The following TMEM163 variants were observed in gnomAD, a reference collection of about 807,000 sequenced individuals.
TMEM163 encodes transmembrane protein 163.
Under a neutral mutation model 29.3 loss-of-function variants are expected in TMEM163, and 17 were observed. The observed-to-expected ratio is 0.58, with a 90% confidence interval of 0.40 to 0.87. The LOEUF is 0.87. Among genes scored for constraint, TMEM163 ranks in the 40% least tolerant of loss-of-function variants. The pLI is 0.00. For missense variants in TMEM163, 303 were observed against 381.5 expected (o/e 0.79, Z 1.71); for synonymous variants, 157 against 160.6 (o/e 0.98, Z 0.17).
At chr2:134,715,165 AT>A (rs1316836256) in intron 1 of TMEM163, among the ~76,000 whole-genome samples, 1 of 152,172 alleles carries the variant, frequency 6.6e-6, no homozygotes, top group Non-Finnish European at 1.5e-5. Context: ...AGTAGATTTC[AT>A]TTTCTAAGAG....
intron 2 of TMEM163, among the ~76,000 whole-genome samples, chr2:134,554,557 G>A (rs768211039): frequency 7.9e-5 from 12 of 151,508 alleles, no homozygotes; most frequent in African/African-American, 2.2e-4. Flanking sequence ...CCCCCGACTC[G>A]CTATGGCAGA....
intron 5 of TMEM163, among the ~76,000 whole-genome samples, chr2:134,480,232 G>T (rs1687018145): frequency 1.3e-5 from 2 of 152,040 alleles, no homozygotes; most frequent in African/African-American, 4.8e-5. Flanking sequence ...CAGCTGCCCT[G>T]CCTCCTCTGT....
At chr2:134,583,653 C>T (rs972956647) in intron 2 of TMEM163, among the ~76,000 whole-genome samples, 2 of 152,184 alleles carry the variant, frequency 1.3e-5, no homozygotes, top group African/African-American at 2.4e-5. Flanking sequence ...TACTGTCAGC[C>T]ATGCTGTAAA....
intron 2 of TMEM163, among the ~76,000 whole-genome samples, chr2:134,573,058 G>A (rs1681469486): frequency 6.6e-6 from 1 of 152,148 alleles, no homozygotes. Context: ...TAGTTCCTGA[G>A]CAATCTGTGA....
At chr2:134,715,568 T>C (rs1421928255) in intron 1 of TMEM163, among the ~76,000 whole-genome samples, 1 of 145,334 alleles carries the variant, frequency 6.9e-6, no homozygotes, top group African/African-American at 2.6e-5. Context: ...TTTCTAAAAA[T>C]ATAGCCGATC....
chr2:134,606,789 G>T (rs1403704941), intron 2 of TMEM163, among the ~76,000 whole-genome samples: 1 of 152,210 alleles, frequency 6.6e-6, no homozygotes, highest in African/African-American at 2.4e-5. Flanking sequence ...AGAATTCAGG[G>T]AAGATGAGGA....
At position 134,456,583 on chromosome 2, in the gene TMEM163, A is replaced by T. The variant is rs1686400502; in HGVS notation, c.*133T>A. ...AAGGTAGATCCACCTGGCTGGGCAGACCTTGTCTTGTAATGACAAACCATG... is the reference window on the plus strand; with the variant it reads ...AAGGTAGATCCACCTGGCTGGGCAGTCCTTGTCTTGTAATGACAAACCATG... On this transcript the variant is annotated 3_prime_UTR_variant, in exon 8 of 8. Transcript: ENST00000281924. The T allele has an allele frequency of 9.1e-6, 10 of 1,101,824 alleles. No individual in the cohort carries two copies. The highest frequency in any genetic ancestry group is 1.3e-5 in the Non-Finnish European group (10 of 752,108). The allele number at this position is 1,101,824 out of a possible 1,614,324, so 68.3% of individuals were successfully genotyped here.
chr2:134,647,688 G>C (rs1467060550), intron 2 of TMEM163, among the ~76,000 whole-genome samples: 2 of 152,206 alleles, frequency 1.3e-5, no homozygotes, highest in East Asian at 3.9e-4. Context: ...ACCGAAGCAG[G>C]AAACTTTCCC....
At chr2:134,642,976 C>T (rs1683255243) in intron 2 of TMEM163, among the ~76,000 whole-genome samples, 1 of 151,742 alleles carries the variant, frequency 6.6e-6, no homozygotes, top group Non-Finnish European at 1.5e-5. Flanking sequence ...AAAGAATAAG[C>T]ATGGCAAGCA....
intron 2 of TMEM163, among the ~76,000 whole-genome samples, chr2:134,681,474 C>T (rs970470716): frequency 6.6e-6 from 1 of 152,110 alleles, no homozygotes; most frequent in Non-Finnish European, 1.5e-5. Flanking sequence ...GCCTTCTTGC[C>T]CCACAGCGTA....
At chr2:134,505,238 C>CT (rs765907623) in intron 4 of TMEM163, among the ~76,000 whole-genome samples, 2 of 81,966 alleles carry the variant, frequency 2.4e-5, no homozygotes, top group East Asian at 7.4e-4. Flanking sequence ...CTGGGGAATT[C>CT]CTTTTTTTTT....
At chr2:134,707,536 T>G (rs1313021633) in intron 2 of TMEM163, among the ~76,000 whole-genome samples, 1 of 152,160 alleles carries the variant, frequency 6.6e-6, no homozygotes, top group African/African-American at 2.4e-5. Flanking sequence ...TCATTCCACA[T>G]GCAGAATGTC....
At chr2:134,497,782 G>T (rs1260805503) in intron 5 of TMEM163, among the ~76,000 whole-genome samples, 1 of 152,172 alleles carries the variant, frequency 6.6e-6, no homozygotes, top group Non-Finnish European at 1.5e-5. Flanking sequence ...TAGGCCTAGA[G>T]GTCAGGTCTT....
chr2:134,512,917 A>G (rs1261179256), intron 4 of TMEM163, among the ~76,000 whole-genome samples: 1 of 152,200 alleles, frequency 6.6e-6, no homozygotes, highest in Admixed American at 6.5e-5. Flanking sequence ...AGGCCAGGTG[A>G]AGGTGTGACA....
At chr2:134,606,249 C>A (rs1682355724) in intron 2 of TMEM163, among the ~76,000 whole-genome samples, 1 of 151,986 alleles carries the variant, frequency 6.6e-6, no homozygotes, top group South Asian at 2.1e-4. Flanking sequence ...ATCCCACGCT[C>A]TAGCATTAAG....
intron 2 of TMEM163, among the ~76,000 whole-genome samples, chr2:134,630,360 G>GAAA (rs34324088): frequency 1.3e-5 from 2 of 149,112 alleles, no homozygotes; most frequent in Admixed American, 6.7e-5. Flanking sequence ...TTTCCAAAAA[G>GAAA]AAAAAAAAAA....
intron 4 of TMEM163, among the ~76,000 whole-genome samples, chr2:134,546,755 G>T (rs1199217093): frequency 6.6e-6 from 1 of 152,028 alleles, no homozygotes; most frequent in East Asian, 1.9e-4. Context: ...TGAGGTTGCA[G>T]TGAGCCAAGA....
chr2:134,483,953 G>A (rs912625259), intron 5 of TMEM163, among the ~76,000 whole-genome samples: 1 of 152,118 alleles, frequency 6.6e-6, no homozygotes, highest in Non-Finnish European at 1.5e-5. Flanking sequence ...AGACCAGCCT[G>A]GCCAACATGG....
At chr2:134,712,706 C>G (rs190242121) in intron 2 of TMEM163, among the ~76,000 whole-genome samples, 160 of 152,294 alleles carry the variant, frequency 1.1e-3, no homozygotes, top group African/African-American at 3.4e-3. Context: ...TTTGTTTCCA[C>G]GGCCACTGAA....
Sources: allele counts gnomAD v4.1 joint callset (sites outside exome capture counted in the v4.1 genomes callset), GRCh38; gene constraint gnomAD v4.1.1; transcripts MANE v1.5; gene names NCBI Gene and HGNC (gene_info 2026-07-23, HGNC 2026-07-21).